The following PTPN11 variants were observed in gnomAD, a reference collection of about 807,000 sequenced individuals.
The protein encoded by PTPN11 is protein tyrosine phosphatase non-receptor type 11.
PTPN11 carries 6 observed loss-of-function variants against 78.8 expected under a neutral mutation model. That is an observed-to-expected ratio of 0.08 (90% confidence interval 0.04 to 0.15). The LOEUF (loss-of-function observed/expected upper bound fraction) is 0.15. Ranked by LOEUF, PTPN11 falls within the 10% of genes least tolerant of loss-of-function variation. The pLI, the probability that PTPN11 is intolerant of heterozygous loss-of-function variation, is 1.00. For missense variants in PTPN11, 386 were observed against 744.8 expected (o/e 0.52, Z 5.61); for synonymous variants, 221 against 263.5 (o/e 0.84, Z 1.56).
chr12:112,484,904 A>T (rs1174325120), intron 10 of PTPN11, among the ~76,000 whole-genome samples: 1 of 151,696 alleles, frequency 6.6e-6, no homozygotes, highest in Non-Finnish European at 1.5e-5. Context: ...AAAATAAAAT[A>T]AAAAAATTAA....
In PTPN11 at chr12:112,477,939, A is replaced by G; in HGVS notation, c.1016A>G (p.Asn339Ser). 6.2e-7 allele frequency: 1 copy of G among 1,614,208 alleles called. No homozygotes were observed. Among genetic ancestry groups the G allele is most frequent in the Non-Finnish European group, 8.5e-7 (1 of 1,180,040 alleles). Residue 339 changes from asparagine (N) to serine (S), a missense_variant, in exon 9 of 16, where the codon AAT becomes AGT. Coordinates refer to ENST00000351677, the MANE Select transcript of PTPN11 (RefSeq NM_002834.5). ...ATQGCLQNTV[N>S]DFWRMVFQEN... Reference sequence around the variant, plus strand: ...CAAGGCTGCCTGCAAAACACGGTGAATGACTTTTGGCGGATGGTGTTCCAA... The same window carrying G: ...CAAGGCTGCCTGCAAAACACGGTGAGTGACTTTTGGCGGATGGTGTTCCAA...
chr12:112,432,520 T>C (rs1197972052), intron 1 of PTPN11, among the ~76,000 whole-genome samples: 1 of 151,726 alleles, frequency 6.6e-6, no homozygotes, highest in Admixed American at 6.6e-5. Context: ...ATACAAACAA[T>C]TAGCCAGGCA....
chr12:112,435,647 GTTTT>G (rs552552504), intron 1 of PTPN11, among the ~76,000 whole-genome samples: 1 of 135,714 alleles, frequency 7.4e-6, no homozygotes. Flanking sequence ...TAGGATTAAG[GTTTT>G]TTTTTTTTTT....
intron 1 of PTPN11, among the ~76,000 whole-genome samples, chr12:112,441,503 TC>T (rs2037889617): frequency 6.6e-6 from 1 of 152,006 alleles, no homozygotes; most frequent in Non-Finnish European, 1.5e-5. Context: ...CCTCAGGTGA[TC>T]CTCCCACCTT....
chr12:112,461,877 C>A (rs1180777352), intron 6 of PTPN11, among the ~76,000 whole-genome samples: 1 of 152,144 alleles, frequency 6.6e-6, no homozygotes, highest in Non-Finnish European at 1.5e-5. Flanking sequence ...ATTGATCTTA[C>A]CCATGTATCT....
intron 13 of PTPN11, among the ~76,000 whole-genome samples, chr12:112,501,186 A>G (rs931316509): frequency 3.3e-5 from 5 of 152,210 alleles, no homozygotes; most frequent in East Asian, 1.9e-4. Flanking sequence ...CCAGGTGCCT[A>G]TAGGAGTAGA....
At chr12:112,428,396 C>CTTT (rs11312766) in intron 1 of PTPN11, among the ~76,000 whole-genome samples, 27 of 84,432 alleles carry the variant, frequency 3.2e-4, no homozygotes, top group East Asian at 9.2e-4. Context: ...TGTGTGTTGT[C>CTTT]TTTTTTTTTT....
Position 112,486,468 on chromosome 12 carries a change from A to C in PTPN11, c.1225-7A>C. 1 of 1,612,544 alleles carries C rather than the reference A, an allele frequency of 6.2e-7. No homozygotes were observed. Among genetic ancestry groups the C allele is most frequent in the Non-Finnish European group, 8.5e-7 (1 of 1,178,740 alleles). On this transcript the variant is annotated splice_polypyrimidine_tract_variant and splice_region_variant and intron_variant, in intron 10 of 15. Transcript: ENST00000351677. ...TTCTTTTCTGGTTTTTCTTGGCTCT[A>C]CTCCAGGGGAATACGGAGAGAACGG...
At chr12:112,429,072 A>G (rs945468730) in intron 1 of PTPN11, among the ~76,000 whole-genome samples, 20 of 152,182 alleles carry the variant, frequency 1.3e-4, no homozygotes, top group African/African-American at 4.8e-4. Context: ...GAAATAATGT[A>G]GAGACAGCTC....
intron 6 of PTPN11, among the ~76,000 whole-genome samples, chr12:112,470,349 T>A (rs1378233569): frequency 6.6e-6 from 1 of 152,244 alleles, no homozygotes; most frequent in Admixed American, 6.5e-5. Flanking sequence ...TCACGCACTG[T>A]ATAGTGATGT....
chr12:112,478,074 T>C, intron 9 of PTPN11, 59 bp downstream of exon 9: 3 of 1,584,244 alleles, frequency 1.9e-6, no homozygotes, highest in South Asian at 2.2e-5. Flanking sequence ...ACATGTCAGA[T>C]TGGCCATGTT....
rs757304894 is a variant in PTPN11 at position 112,454,659 on chromosome 12, T to C, written c.621T>C (p.Gly207=). ...YKKNPMVETL[G]TVLQLKQPLN... Reference sequence around the variant, plus strand: ...AGAATCCTATGGTGGAAACATTGGGTACAGTACTACAACTCAAGCAGGTGA... The same window carrying C: ...AGAATCCTATGGTGGAAACATTGGGCACAGTACTACAACTCAAGCAGGTGA... The change falls in exon 5 of 16, where the codon GGT becomes GGC. Residue 207 remains glycine (G), a synonymous_variant. Coordinates refer to ENST00000351677, the MANE Select transcript of PTPN11 (RefSeq NM_002834.5). The C allele has an allele frequency of 6.2e-7, 1 of 1,611,968 alleles. No individual in the cohort carries two copies. Among genetic ancestry groups the C allele is most frequent in the Admixed American group, 1.7e-5 (1 of 59,956 alleles).
At chr12:112,448,977 C>T (rs2038035624) in intron 2 of PTPN11, among the ~76,000 whole-genome samples, 1 of 150,612 alleles carries the variant, frequency 6.6e-6, no homozygotes, top group South Asian at 2.1e-4. Flanking sequence ...ACTTCCGCCT[C>T]CCGGGTTCAA....
chr12:112,451,467 A>T (rs745971590), intron 3 of PTPN11, among the ~76,000 whole-genome samples: 42 of 152,180 alleles, frequency 2.8e-4, no homozygotes, highest in Non-Finnish European at 5.1e-4. Context: ...CTATGTTAAG[A>T]TGCTTCCCAA....
At chr12:112,471,377 C>CTT (rs779351912) in intron 6 of PTPN11, among the ~76,000 whole-genome samples, 1 of 132,502 alleles carries the variant, frequency 7.5e-6, no homozygotes, top group Non-Finnish European at 1.6e-5. Context: ...TTGAAATTGA[C>CTT]TTTTTTTTTT....
chr12:112,438,993 G>A (rs1296358398), intron 1 of PTPN11, among the ~76,000 whole-genome samples: 3 of 152,074 alleles, frequency 2.0e-5, no homozygotes, highest in South Asian at 2.1e-4. Context: ...GGCAATCATC[G>A]TTGTCCTTGG....
intron 6 of PTPN11, among the ~76,000 whole-genome samples, chr12:112,469,149 C>T (rs898605857): frequency 6.6e-6 from 1 of 152,146 alleles, no homozygotes; most frequent in Non-Finnish European, 1.5e-5. Flanking sequence ...GAGGATTTCC[C>T]TGGTCTGGAA....
intron 2 of PTPN11, among the ~76,000 whole-genome samples, chr12:112,449,322 G>T (rs921805223): frequency 6.6e-6 from 1 of 151,058 alleles, no homozygotes; most frequent in African/African-American, 2.4e-5. Context: ...TGGCTAACAT[G>T]GTGAAACCCC....
chr12:112,421,739 C>T (rs931380971), intron 1 of PTPN11, among the ~76,000 whole-genome samples: 3 of 152,104 alleles, frequency 2.0e-5, no homozygotes, highest in Non-Finnish European at 4.4e-5. Flanking sequence ...TCCATCCCCC[C>T]TCCTCAGCTT....
Sources: allele counts gnomAD v4.1 joint callset (sites outside exome capture counted in the v4.1 genomes callset), GRCh38; gene constraint gnomAD v4.1.1; transcripts MANE v1.5; gene names NCBI Gene and HGNC (gene_info 2026-07-23, HGNC 2026-07-21).